Variants in PARD3 observed in about 807,000 individuals in gnomAD.
PARD3 encodes partitioning defective 3 homolog.
Under a neutral mutation model 155.4 loss-of-function variants are expected in PARD3, and 75 were observed. The observed-to-expected ratio is 0.48, with a 90% confidence interval of 0.40 to 0.58. The LOEUF is 0.58. Among genes scored for constraint, PARD3 ranks in the 20% least tolerant of loss-of-function variants. The pLI is 0.00. For missense variants in PARD3, 1,642 were observed against 1,721.7 expected (o/e 0.95, Z 0.82); for synonymous variants, 576 against 610.5 (o/e 0.94, Z 0.83).
At chr10:34,616,944 A>T (rs915986822) in intron 2 of PARD3, among the ~76,000 whole-genome samples, 2 of 151,688 alleles carry the variant, frequency 1.3e-5, no homozygotes, top group Non-Finnish European at 2.9e-5. Context: ...AAAAAAAAAA[A>T]AAAAATAACT....
intron 2 of PARD3, among the ~76,000 whole-genome samples, chr10:34,609,113 G>A (rs1023383657): frequency 6.6e-6 from 1 of 152,042 alleles, no homozygotes; most frequent in African/African-American, 2.4e-5. Flanking sequence ...TTCATAATTC[G>A]ACTAATTTTG....
chr10:34,658,618 G>A (rs1412560763), intron 2 of PARD3, among the ~76,000 whole-genome samples: 1 of 151,946 alleles, frequency 6.6e-6, no homozygotes, highest in Non-Finnish European at 1.5e-5. Context: ...TGGACAGGGG[G>A]AAAAAATCTA....
At chr10:34,747,148 T>C (rs535094515) in intron 1 of PARD3, among the ~76,000 whole-genome samples, 207 of 152,312 alleles carry the variant, frequency 1.4e-3, no homozygotes, top group South Asian at 1.4e-3. Context: ...AATTTGTACA[T>C]TGGAAATCAA....
chr10:34,687,840 T>G (rs2093976299), intron 2 of PARD3, among the ~76,000 whole-genome samples: 1 of 132,910 alleles, frequency 7.5e-6, no homozygotes, highest in East Asian at 2.2e-4. Flanking sequence ...CAGTTACACC[T>G]GAAATCTTTT....
At chr10:34,420,057 T>C (rs900839601) in intron 5 of PARD3, among the ~76,000 whole-genome samples, 2 of 152,250 alleles carry the variant, frequency 1.3e-5, no homozygotes, top group Non-Finnish European at 2.9e-5. Context: ...GCTCAAGTGA[T>C]TCTTCCACCT....
chr10:34,342,519 C>T (rs1836937630), intron 15 of PARD3, among the ~76,000 whole-genome samples: 1 of 152,026 alleles, frequency 6.6e-6, no homozygotes, highest in Non-Finnish European at 1.5e-5. Flanking sequence ...GGAGAAAAGC[C>T]CATGATGCAG....
At chr10:34,445,096 T>C (rs1250635801) in intron 5 of PARD3, among the ~76,000 whole-genome samples, 1 of 152,126 alleles carries the variant, frequency 6.6e-6, no homozygotes, top group Non-Finnish European at 1.5e-5. Context: ...TTTTTTCATG[T>C]ACATGATGCA....
chr10:34,664,341 T>C (rs2093399222), intron 2 of PARD3, among the ~76,000 whole-genome samples: 1 of 152,150 alleles, frequency 6.6e-6, no homozygotes. Flanking sequence ...TAGCTGGGAT[T>C]ACAGGTGTGC....
At chr10:34,759,953 G>A (rs1029886023) in intron 1 of PARD3, among the ~76,000 whole-genome samples, 1 of 152,210 alleles carries the variant, frequency 6.6e-6, no homozygotes, top group African/African-American at 2.4e-5. Context: ...TCGTTTTGGG[G>A]AGTGGAATTC....
chr10:34,738,623 G>A (rs972263952), intron 1 of PARD3, among the ~76,000 whole-genome samples: 3 of 152,128 alleles, frequency 2.0e-5, no homozygotes, highest in African/African-American at 7.2e-5. Flanking sequence ...ACTCATCGGC[G>A]GTTCCAGCTA....
rs142637712 is a variant in PARD3 at position 34,421,079 on chromosome 10, G to A, written c.715-19162C>T. On this transcript the variant is annotated intron_variant, in intron 5 of 24. Coordinates refer to ENST00000374788, the MANE Select transcript of PARD3 (RefSeq NM_001184785.2). ...GGTTCCAGCTACTCAAGAGGCTGAGGTGGAACTGCTTGAGCCTGGGTGGTC... is the reference window on the plus strand; with the variant it reads ...GGTTCCAGCTACTCAAGAGGCTGAGATGGAACTGCTTGAGCCTGGGTGGTC... Among the ~76,000 whole-genome samples, 578 of 152,276 alleles carry A rather than the reference G, an allele frequency of 3.8e-3. 3 individuals are homozygous for A. Among genetic ancestry groups the A allele is most frequent in the African/African-American group, 0.013 (559 of 41,558 alleles).
intron 18 of PARD3, among the ~76,000 whole-genome samples, chr10:34,333,400 G>A (rs1301242339): frequency 6.6e-6 from 1 of 151,978 alleles, no homozygotes; most frequent in Admixed American, 6.6e-5. Flanking sequence ...AGTATAATTC[G>A]ATAAACGATA....
At chr10:34,627,346 G>T (rs2092030510) in intron 2 of PARD3, among the ~76,000 whole-genome samples, 1 of 152,096 alleles carries the variant, frequency 6.6e-6, no homozygotes, top group East Asian at 1.9e-4. Context: ...ATTATGAACT[G>T]AATTGTGTTC....
At chr10:34,308,530 A>C (rs1319510040) in intron 20 of PARD3, among the ~76,000 whole-genome samples, 1 of 152,178 alleles carries the variant, frequency 6.6e-6, no homozygotes, top group African/African-American at 2.4e-5. Context: ...AAAGCTTTGG[A>C]TCTAACCAAC....
intron 20 of PARD3, among the ~76,000 whole-genome samples, chr10:34,295,500 A>G (rs1229487967): frequency 6.6e-6 from 1 of 152,190 alleles, no homozygotes. Context: ...GGCCATCACA[A>G]GCAAGGGTAA....
intron 3 of PARD3, among the ~76,000 whole-genome samples, chr10:34,497,260 T>C (rs1589782665): frequency 6.6e-6 from 1 of 152,078 alleles, no homozygotes; most frequent in African/African-American, 2.4e-5. Context: ...TAACAAATAA[T>C]GCAAAAATTA....
chr10:34,718,551 T>C (rs28493383), intron 1 of PARD3, among the ~76,000 whole-genome samples: 5,573 of 152,180 alleles, frequency 0.037, 358 homozygotes, highest in African/African-American at 0.13. Context: ...TCGCAGCTAC[T>C]GAGAGGCTGA....
intron 1 of PARD3, among the ~76,000 whole-genome samples, chr10:34,792,524 C>T (rs1588772548): frequency 6.6e-6 from 1 of 152,208 alleles, no homozygotes; most frequent in East Asian, 1.9e-4. Flanking sequence ...ATTAAAAACA[C>T]CCAGAGTCAC....
chr10:34,750,119 A>G (rs900209644), intron 1 of PARD3, among the ~76,000 whole-genome samples: 4 of 151,476 alleles, frequency 2.6e-5, no homozygotes, highest in African/African-American at 9.7e-5. Flanking sequence ...TGTTGTTTTC[A>G]TGGGATGGGT....
Sources: allele counts gnomAD v4.1 joint callset (sites outside exome capture counted in the v4.1 genomes callset), GRCh38; gene constraint gnomAD v4.1.1; transcripts MANE v1.5; gene names NCBI Gene and HGNC (gene_info 2026-07-23, HGNC 2026-07-21).